The following ENTPD6 variants were observed in gnomAD, a reference collection of about 807,000 sequenced individuals.
The protein encoded by ENTPD6 is CD39 antigen-like 2.
ENTPD6 carries 46 observed loss-of-function variants against 61.5 expected under a neutral mutation model. That is an observed-to-expected ratio of 0.75 (90% confidence interval 0.59 to 0.96). The LOEUF is 0.96. Among genes scored for constraint, ENTPD6 ranks in the 40% least tolerant of loss-of-function variants. The pLI, the probability that ENTPD6 is intolerant of heterozygous loss-of-function variation, is 0.00. For missense variants in ENTPD6, 612 were observed against 629.0 expected (o/e 0.97, Z 0.29); for synonymous variants, 252 against 255.5 (o/e 0.99, Z 0.13).
intron 2 of ENTPD6, among the ~76,000 whole-genome samples, 164 bp from the exon 3 acceptor site, chr20:25,206,912 A>G (rs1488889862): frequency 1.3e-5 from 2 of 152,106 alleles, no homozygotes; most frequent in East Asian, 3.9e-4. Flanking sequence ...TGGGGATCAC[A>G]CCTTCTGGAA....
intron 5 of ENTPD6, 105 bp from the exon 6 acceptor site, chr20:25,214,762 C>A (rs2092216928): frequency 1.4e-6 from 1 of 720,508 alleles, no homozygotes; most frequent in East Asian, 2.7e-5. Context: ...TTTTTTCGTT[C>A]TTCTCCACCC....
chr20:25,222,667 T>C (rs2092677018), intron 11 of ENTPD6, 171 bp from the exon 12 acceptor site: 1 of 778,486 alleles, frequency 1.3e-6, no homozygotes, highest in Non-Finnish European at 2.0e-6. Context: ...GGGCTGCTTT[T>C]GACCTGTGCG....
chr20:25,210,735 A>G (rs1316581960), intron 4 of ENTPD6, among the ~76,000 whole-genome samples: 1 of 152,130 alleles, frequency 6.6e-6, no homozygotes, highest in Non-Finnish European at 1.5e-5. Flanking sequence ...TGAGGTCAGG[A>G]GTTCGAGACC....
In ENTPD6 at chr20:25,213,287, C is replaced by T; in HGVS notation, c.478C>T (p.Leu160=). 2.5e-6 allele frequency: 4 copies of T among 1,614,260 alleles called. No homozygotes were observed. Among genetic ancestry groups the T allele is most frequent in the Middle Eastern group, 1.6e-4 (1 of 6,062 alleles). The stretch of plus-strand genomic sequence containing the variant: ...GAGCGCTCAGGGAATCCGGGAACTA[C>T]TGGATGTTGCTAAACAGGACATTCC... The part of the protein sequence containing the change: ...EKSAQGIREL[L]DVAKQDIPFD... Residue 160 remains leucine, a synonymous_variant, in exon 5 of 15, where the codon CTG becomes TTG. Transcript: ENST00000376652.
intron 4 of ENTPD6, among the ~76,000 whole-genome samples, chr20:25,212,350 C>T (rs11699328): frequency 0.28 from 42,141 of 152,050 alleles, 6,621 homozygotes; most frequent in East Asian, 0.61. Context: ...CAATGTCCAG[C>T]GGAGCTGAGG....
Position 25,208,556 on chromosome 20 carries a change from G to A in ENTPD6, c.376+1159G>A, listed in dbSNP as rs77111502. ...CAGCCTGCGATGCTTTTGGAGCCAT[G>A]TCCCAGGGTTTTCTCTTTGGAGAGA... On this transcript the variant is annotated intron_variant, in intron 3 of 14. Coordinates refer to ENST00000376652, the MANE Select transcript of ENTPD6 (RefSeq NM_001247.5). Among the ~76,000 whole-genome samples the A allele has an allele frequency of 4.4e-3, 672 of 152,332 alleles. 37 individuals carry two copies. In the East Asian group the frequency reaches 0.11, roughly 25 times the overall value.
intron 6 of ENTPD6, 27 bp from the exon 7 acceptor site, chr20:25,215,649 A>G: frequency 1.2e-6 from 2 of 1,613,830 alleles, no homozygotes; most frequent in Non-Finnish European, 1.7e-6. Context: ...AAGTGATTAA[A>G]ATAATGCCTG....
rs1420671983 is a variant in ENTPD6, at chr20:25,213,319, C to T, written c.510C>T (p.Asp170=). 6.2e-7 allele frequency: 1 copy of T among 1,614,120 alleles called. No homozygotes were observed. The highest frequency in any genetic ancestry group is 2.2e-5 in the East Asian group (1 of 44,904). ...LDVAKQDIPF[D]FWKATPLVLK... ...TTGCTAAACAGGACATTCCGTTCGA[C>T]TTCTGGAAGGCCACCCCTCTGGTCC... Residue 170 remains aspartate, a synonymous_variant, in exon 5 of 15, where the codon GAC becomes GAT. Transcript: ENST00000376652.
chr20:25,197,424 G>A (rs1346456268), intron 1 of ENTPD6, among the ~76,000 whole-genome samples: 1 of 152,056 alleles, frequency 6.6e-6, no homozygotes, highest in Non-Finnish European at 1.5e-5. Context: ...GTCCCCACCC[G>A]CTACCTTCCT....
rs995235533 is a variant in ENTPD6, at chr20:25,218,614, G to C, written c.943G>C (p.Ala315Pro). 7.5e-6 allele frequency: 12 copies of C among 1,602,892 alleles called. No homozygotes were observed. In the African/African-American group the frequency reaches 1.2e-4, roughly 16 times the overall value. ...AILGGVEGQP[A>P]KDGKELVSPC... Reference sequence around the variant, plus strand: ...CCTGGGCGGCGTGGAGGGGCAGCCTGGTGAGTGGACATGTTGCCCCGGGCC... The same window carrying C: ...CCTGGGCGGCGTGGAGGGGCAGCCTCGTGAGTGGACATGTTGCCCCGGGCC... The change falls in exon 10 of 15, where the codon GCT becomes CCT. Residue 315 changes from alanine to proline, a missense_variant and splice_region_variant. Ala to Pro is a conservative substitution (Grantham distance 27, BLOSUM62 -1). Coordinates refer to ENST00000376652, the MANE Select transcript of ENTPD6 (RefSeq NM_001247.5).
chr20:25,214,275 A>C (rs981678632), intron 5 of ENTPD6, among the ~76,000 whole-genome samples: 4 of 152,210 alleles, frequency 2.6e-5, no homozygotes, highest in African/African-American at 9.6e-5. Flanking sequence ...TGGATTGTGC[A>C]CGCGTGCAGG....
At chr20:25,212,102 G>T (rs1477155703) in intron 4 of ENTPD6, among the ~76,000 whole-genome samples, 1 of 152,168 alleles carries the variant, frequency 6.6e-6, no homozygotes, top group Non-Finnish European at 1.5e-5. Flanking sequence ...TTTCTGGATA[G>T]GAGGAACGTG....
At chr20:25,211,233 C>T (rs2091941190) in intron 4 of ENTPD6, among the ~76,000 whole-genome samples, 3 of 152,178 alleles carry the variant, frequency 2.0e-5, no homozygotes, top group African/African-American at 7.2e-5. Context: ...TAGTTCAAGC[C>T]TTGCTTTCCT....
In ENTPD6 at chr20:25,224,201, C is replaced by T. The variant is rs762173650; in HGVS notation, c.1243+44C>T. The T allele has an allele frequency of 4.1e-5, 64 of 1,565,048 alleles. No individual in the cohort carries two copies. The Admixed American group carries it at 8.0e-4, about 20-fold the overall frequency. ...GCCATCTCAGCAGGGGCAGGCGCCC[C>T]GTGATGCTCGTGACGCAGGCGCTGG... is the stretch of plus-strand genomic sequence containing the variant. On this transcript the variant is annotated intron_variant, in intron 13 of 14. Coordinates refer to ENST00000376652, the MANE Select transcript of ENTPD6 (RefSeq NM_001247.5).
At chr20:25,212,452 C>A (rs1223223107) in intron 4 of ENTPD6, among the ~76,000 whole-genome samples, 1 of 152,226 alleles carries the variant, frequency 6.6e-6, no homozygotes, top group Non-Finnish European at 1.5e-5. Flanking sequence ...ATTCTCCTGA[C>A]CTGTCCTCCC....
chr20:25,206,730 C>T (rs565750172), intron 2 of ENTPD6, 140 bp downstream of exon 2: 1 of 723,018 alleles, frequency 1.4e-6, no homozygotes, highest in East Asian at 2.7e-5. Flanking sequence ...AGTTTGGGAA[C>T]ACCATTTACA....
At chr20:25,204,693 G>A (rs1235328750) in intron 1 of ENTPD6, among the ~76,000 whole-genome samples, 1 of 152,160 alleles carries the variant, frequency 6.6e-6, no homozygotes, top group Non-Finnish European at 1.5e-5. Context: ...TCCTCAGGCA[G>A]CCCAAGACAG....
intron 1 of ENTPD6, among the ~76,000 whole-genome samples, chr20:25,199,887 G>T (rs971188094): frequency 1.3e-5 from 2 of 152,208 alleles, no homozygotes; most frequent in African/African-American, 2.4e-5. Flanking sequence ...GTATCCATCT[G>T]TCGATGGATG....
At chr20:25,199,035 C>T (rs1029263952) in intron 1 of ENTPD6, among the ~76,000 whole-genome samples, 3 of 152,178 alleles carry the variant, frequency 2.0e-5, no homozygotes, top group South Asian at 2.1e-4. Flanking sequence ...GCCCGTTTTC[C>T]CCCTCAGTAC....
Sources: allele counts gnomAD v4.1 joint callset (sites outside exome capture counted in the v4.1 genomes callset), GRCh38; gene constraint gnomAD v4.1.1; transcripts MANE v1.5; gene names NCBI Gene and HGNC (gene_info 2026-07-23, HGNC 2026-07-21).